The following LGALS4 variants were observed in gnomAD, a reference collection of about 807,000 sequenced individuals.
The protein encoded by LGALS4 is galectin 4.
LGALS4 carries 37 observed loss-of-function variants against 39.6 expected under a neutral mutation model. The observed-to-expected ratio is 0.93, with a 90% CI of 0.72 to 1.23. The LOEUF (loss-of-function observed/expected upper bound fraction) is 1.23, where lower values mean the gene tolerates loss of function less well. LGALS4 is among the 50% of genes most tolerant of loss of function. The pLI is 0.00. For missense variants in LGALS4, 397 were observed against 433.2 expected (o/e 0.92, Z 0.74); for synonymous variants, 160 against 165.5 (o/e 0.97, Z 0.25).
chr19:38,804,645 C>T (rs1462356373), intron 4 of LGALS4, among the ~76,000 whole-genome samples: 5 of 152,058 alleles, frequency 3.3e-5, no homozygotes, highest in Non-Finnish European at 7.3e-5. Flanking sequence ...TCTCAGCCAG[C>T]TATTCTGAAG....
chr19:38,803,501 C>T lies in LGALS4; in HGVS notation c.570+21G>A, dbSNP rs780224806. The T allele has an allele frequency of 1.7e-5, 27 of 1,613,200 alleles. 1 individual carries two copies. The South Asian group carries it at 3.0e-4, about 18-fold the overall frequency. ...TCCGTGCCCCCTCCCCACCATCCAT[C>T]TCTGTTTCCCCAAGCCATACCGGGT... On this transcript the variant is annotated intron_variant, in intron 7 of 9. Transcript: ENST00000307751.
rs747456110 is a variant in LGALS4 at position 38,801,844 on chromosome 19, C to A, written c.892G>T (p.Ala298Ser). 24 of 1,614,032 alleles carry A rather than the reference C, an allele frequency of 1.5e-5. No individual in the cohort carries two copies. The highest frequency in any genetic ancestry group is 2.0e-5 in the Non-Finnish European group (24 of 1,180,032). ...CTCTGGAAGGCCGAGAGGCGATGGG[C>A]AAAGTCAAAGAGGTGCTGGCCATTG... is the stretch of plus-strand genomic sequence containing the variant. The part of the protein sequence containing the change: ...YANGQHLFDF[A>S]HRLSAFQRVD... The change falls in exon 10 of 10, where the codon GCC becomes TCC. Residue 298 changes from alanine to serine, a missense_variant. Transcript: ENST00000307751.
At chr19:38,806,371 AAAAAAAG>A (rs1200324020) in intron 4 of LGALS4, 83 bp downstream of exon 4, 101 of 1,435,902 alleles carry the variant, frequency 7.0e-5, no homozygotes, top group African/African-American at 6.8e-4. Flanking sequence ...CCGTCTCAAA[AAAAAAAG>A]AAAAAAAGAA....
chr19:38,811,384 G>C (rs982360985), intron 2 of LGALS4, among the ~76,000 whole-genome samples: 5 of 152,136 alleles, frequency 3.3e-5, no homozygotes, highest in African/African-American at 9.6e-5. Context: ...GATCCTCCCA[G>C]CACTTTAGGA....
chr19:38,807,921 C>A (rs972962959), intron 3 of LGALS4, among the ~76,000 whole-genome samples: 3 of 152,080 alleles, frequency 2.0e-5, no homozygotes, highest in African/African-American at 7.2e-5. Flanking sequence ...TTGAAGGCAG[C>A]ATGCTCCTTA....
intron 3 of LGALS4, 72 bp from the exon 4 acceptor site, chr19:38,806,667 C>T: frequency 6.4e-7 from 1 of 1,552,864 alleles, no homozygotes; most frequent in East Asian, 2.3e-5. Context: ...GAAGCAAGGG[C>T]AGGGCACCCT....
intron 4 of LGALS4, among the ~76,000 whole-genome samples, chr19:38,805,069 T>G (rs1430866514): frequency 1.3e-5 from 2 of 150,984 alleles, no homozygotes; most frequent in African/African-American, 2.4e-5. Context: ...GAGACTGAGG[T>G]GGGAGGATCA....
chr19:38,802,347 T>G lies in LGALS4; in HGVS notation c.628A>C (p.Ile210Leu). Residue 210 changes from isoleucine to leucine, a missense_variant, in exon 8 of 10, where the codon ATC (isoleucine) becomes CTC (leucine). Coordinates refer to ENST00000307751, the MANE Select transcript of LGALS4 (RefSeq NM_006149.4). Reference protein sequence around the residue: ...GGLTARRTIIIKGYVPPTGKS... With the variant: ...GGLTARRTIILKGYVPPTGKS... ...CCTGTGGGAGGCACATAGCCCTTGA[T>G]GATGATGGTTCTTCGAGCTGTGAGC... The G allele has an allele frequency of 1.2e-6, 2 of 1,614,196 alleles. No homozygotes were observed. Among genetic ancestry groups the G allele is most frequent in the Non-Finnish European group, 1.7e-6 (2 of 1,180,038 alleles).
At chr19:38,803,394 G>C in intron 7 of LGALS4, 128 bp downstream of exon 7, 1 of 913,354 alleles carries the variant, frequency 1.1e-6, no homozygotes, top group Non-Finnish European at 1.8e-6. Context: ...ACCTGACCAC[G>C]AACTCTATCT....
At chr19:38,806,723 G>T in intron 3 of LGALS4, 128 bp from the exon 4 acceptor site, 1 of 840,668 alleles carries the variant, frequency 1.2e-6, no homozygotes, top group Non-Finnish European at 1.9e-6. Context: ...GAGGGGGGTG[G>T]ATCATTTGAG....
intron 2 of LGALS4, among the ~76,000 whole-genome samples, chr19:38,810,652 A>G (rs1315801651): frequency 1.3e-5 from 2 of 151,674 alleles, no homozygotes; most frequent in African/African-American, 2.4e-5. Context: ...GTGAGCCACC[A>G]CGCCCAGCCA....
At chr19:38,805,140 G>T (rs1971406981) in intron 4 of LGALS4, among the ~76,000 whole-genome samples, 1 of 147,622 alleles carries the variant, frequency 6.8e-6, no homozygotes, top group African/African-American at 2.5e-5. Context: ...CTCCAGCCTG[G>T]GTGACAGAGC....
In LGALS4 at chr19:38,802,028, G is replaced by A. The variant is rs865964458; in HGVS notation, c.789C>T (p.Ile263=). The A allele has an allele frequency of 6.2e-7, 1 of 1,614,246 alleles. No individual in the cohort carries two copies. The highest frequency in any genetic ancestry group is 1.6e-4 in the Middle Eastern group (1 of 6,062). Residue 263 remains isoleucine, a synonymous_variant, in exon 9 of 10, where the codon ATC becomes ATT. Coordinates refer to ENST00000307751, the MANE Select transcript of LGALS4 (RefSeq NM_006149.4). ...NGSWGSEEKK[I]THNPFGPGQF... is the part of the protein sequence containing the mutation. Reference sequence around the variant, plus strand: ...GTCCGGGACCAAATGGGTTGTGGGTGATCTTCTTCTCCTCGGATCCCCACG... The same window carrying A: ...GTCCGGGACCAAATGGGTTGTGGGTAATCTTCTTCTCCTCGGATCCCCACG...
chr19:38,801,809 T>A lies in LGALS4; in HGVS notation c.927A>T (p.Thr309=), dbSNP rs767203886. 1 of 1,614,184 alleles carries A rather than the reference T, an allele frequency of 6.2e-7. No homozygotes were observed. Among genetic ancestry groups the A allele is most frequent in the South Asian group, 1.1e-5 (1 of 91,088 alleles). Residue 309 remains threonine (T), a synonymous_variant, in exon 10 of 10, where the codon ACA becomes ACT. Coordinates refer to ENST00000307751, the MANE Select transcript of LGALS4 (RefSeq NM_006149.4). ...AGGTGACATCACCCTGGATTTCCAA[T>A]GTGTCCACCCTCTGGAAGGCCGAGA... ...HRLSAFQRVD[T]LEIQGDVTLS...
intron 3 of LGALS4, 112 bp downstream of exon 3, chr19:38,808,623 CAAAAAAAAA>C (rs371371385): frequency 8.0e-5 from 43 of 539,962 alleles, no homozygotes; most frequent in Non-Finnish European, 1.2e-4. Context: ...AACTCCATCT[CAAAAAAAAA>C]AAAAAAAAAA....
At chr19:38,803,718 G>T (rs368127026) in intron 6 of LGALS4, 24 bp downstream of exon 6, 169 of 1,611,204 alleles carry the variant, frequency 1.0e-4, no homozygotes, top group Non-Finnish European at 1.1e-4. Flanking sequence ...CCTCACCCGG[G>T]GCCCTCCCAG....
rs149499679 is a variant in LGALS4 at position 38,804,034 on chromosome 19, C to T, written c.475-139G>A. 2.3e-5 allele frequency: 22 copies of T among 967,668 alleles called. No homozygotes were observed. In the African/African-American group the frequency reaches 2.3e-4, roughly 10 times the overall value. The allele number at this position is 967,668 out of a possible 1,614,324, so 59.9% of individuals were successfully genotyped here. A position where few individuals can be genotyped will look rare whatever the true frequency, so the allele number is the denominator to read the frequency against. Reference sequence around the variant, plus strand: ...ACTCTGGCATCAAAGGGTGGCACCCCGATCACAGATTCACGGAGAGGGGCA... The same window carrying T: ...ACTCTGGCATCAAAGGGTGGCACCCTGATCACAGATTCACGGAGAGGGGCA... On this transcript the variant is annotated intron_variant, in intron 4 of 9. Transcript: ENST00000307751.
intron 2 of LGALS4, among the ~76,000 whole-genome samples, chr19:38,812,202 A>G (rs953653606): frequency 1.3e-5 from 2 of 152,100 alleles, no homozygotes; most frequent in African/African-American, 4.8e-5. Flanking sequence ...GCTTCAGTCT[A>G]ATGTCCAACT....
At chr19:38,810,460 T>C (rs1013801388) in intron 2 of LGALS4, among the ~76,000 whole-genome samples, 6 of 151,190 alleles carry the variant, frequency 4.0e-5, no homozygotes, top group African/African-American at 1.5e-4. Flanking sequence ...CCTCCTGGTT[T>C]CACGCCATTC....
Sources: allele counts gnomAD v4.1 joint callset (sites outside exome capture counted in the v4.1 genomes callset), GRCh38; gene constraint gnomAD v4.1.1; transcripts MANE v1.5; gene names NCBI Gene and HGNC (gene_info 2026-07-23, HGNC 2026-07-21).